Variants in ATP10D observed in about 807,000 individuals in gnomAD.
ATP10D encodes the protein ATPase phospholipid transporting 10D (putative), also known as phospholipid-transporting ATPase VD.
ATP10D carries 89 observed loss-of-function variants against 144.8 expected under a neutral mutation model. That is an observed-to-expected ratio of 0.61 (90% CI 0.52 to 0.73). ATP10D has a LOEUF of 0.73. Among genes scored for constraint, ATP10D ranks in the 30% least tolerant of loss-of-function variants. The pLI, the probability that ATP10D is intolerant of heterozygous loss-of-function variation, is 0.00. For synonymous variants in ATP10D, 571 were observed against 615.1 expected (o/e 0.93, Z 1.06); for missense variants, 1,603 against 1,714.8 (o/e 0.93, Z 1.15).
At chr4:47,566,271 A>G (rs930034242) in intron 15 of ATP10D, among the ~76,000 whole-genome samples, 1 of 152,224 alleles carries the variant, frequency 6.6e-6, no homozygotes, top group Admixed American at 6.5e-5. Flanking sequence ...TTACTCTCAT[A>G]AAAGTTTTTT....
chr4:47,524,723 C>G (rs756906437), intron 4 of ATP10D, among the ~76,000 whole-genome samples: 22 of 152,160 alleles, frequency 1.4e-4, no homozygotes, highest in Non-Finnish European at 2.9e-4. Context: ...TAATTAGACC[C>G]AATTATTTTA....
intron 14 of ATP10D, among the ~76,000 whole-genome samples, chr4:47,563,218 TATA>T (rs1014530378): frequency 1.3e-5 from 2 of 152,188 alleles, no homozygotes; most frequent in Admixed American, 6.5e-5. Context: ...CCCCTAAGTC[TATA>T]ATAATAAAAA....
Position 47,526,313 on chromosome 4 carries a change from C to G in ATP10D, c.776+671C>G, listed in dbSNP as rs111430853. ...TACTATATTAACAAACCATATTAAA[C>G]AAATCAAAAGGGAAAAACTAGGTGG... On this transcript the variant is annotated intron_variant, in intron 5 of 22. Coordinates refer to ENST00000273859, the MANE Select transcript of ATP10D (RefSeq NM_020453.4). 4.3e-3 allele frequency among the ~76,000 whole-genome samples: 660 copies of G among 152,168 alleles called. 6 individuals are homozygous for G. Among genetic ancestry groups the G allele is most frequent in the Non-Finnish European group, 6.1e-3 (412 of 67,980 alleles).
rs763205709 is a variant in ATP10D at position 47,523,171 on chromosome 4, G to A, written c.645G>A (p.Glu215=). The stretch of plus-strand genomic sequence containing the variant: ...TTGAGACTTCTGGTCTTGATGGAGA[G>A]AGCAATTTAAAACAGAGGCAGGTGG... ...CHIETSGLDG[E]SNLKQRQVVR... The change falls in exon 4 of 23, where the codon GAG becomes GAA. Residue 215 remains glutamate, a synonymous_variant. Transcript: ENST00000273859. The A allele has an allele frequency of 4.3e-6, 7 of 1,614,098 alleles. No homozygotes were observed. The East Asian group carries it at 1.6e-4, about 36-fold the overall frequency.
In ATP10D at chr4:47,563,845, T is replaced by TA. The variant is rs71951443; in HGVS notation, c.2853+90dup. The TA allele has an allele frequency of 9.2e-3, 10,681 of 1,155,120 alleles. 1 individual carries two copies. Among genetic ancestry groups the TA allele is most frequent in the South Asian group, 0.012 (567 of 46,152 alleles). 71.6% of individuals were successfully genotyped at this position (1,155,120 alleles called of 1,614,324 possible). The stretch of plus-strand genomic sequence containing the variant: ...TTTGAGATTTGATGTATGCAAGGAT[T>TA]AAAAAAAAAACAAAACAGCAACCGT... On this transcript the variant is annotated intron_variant, in intron 15 of 22. Transcript: ENST00000273859.
chr4:47,591,454 AGAAT>A lies in ATP10D; in HGVS notation c.*76_*79del. 7.6e-7 allele frequency: 1 copy of A among 1,310,224 alleles called. No homozygotes were observed. Among genetic ancestry groups the A allele is most frequent in the Admixed American group, 2.3e-5 (1 of 43,228 alleles). 81.2% of individuals were successfully genotyped at this position (1,310,224 alleles called of 1,614,324 possible). On this transcript the variant is annotated 3_prime_UTR_variant, in exon 23 of 23. Coordinates refer to ENST00000273859, the MANE Select transcript of ATP10D (RefSeq NM_020453.4). ...TTTTGAAGAGGTATCTCTCCAAGCA[AGAAT>A]GACTTGTTTTTCCATAAGGGACATG... is the stretch of plus-strand genomic sequence containing the variant.
intron 15 of ATP10D, among the ~76,000 whole-genome samples, chr4:47,565,579 A>G (rs915171031): frequency 2.0e-5 from 3 of 152,120 alleles, no homozygotes; most frequent in African/African-American, 7.2e-5. Flanking sequence ...GAGAGTAATG[A>G]CTGTTTAATG....
In ATP10D at chr4:47,593,333, G is replaced by A. The variant is rs1577719770; in HGVS notation, c.*1952G>A. ...AAATTAGGCGTAAATTCTATGCCCT[G>A]AACAAATGTAAAGCTATTTATGTAC... On this transcript the variant is annotated 3_prime_UTR_variant, in exon 23 of 23. Coordinates refer to ENST00000273859, the MANE Select transcript of ATP10D (RefSeq NM_020453.4). 1 of 151,986 alleles carries A rather than the reference G, an allele frequency of 6.6e-6. No individual in the cohort carries two copies. Among genetic ancestry groups the A allele is most frequent in the East Asian group, 1.9e-4 (1 of 5,202 alleles). 9.4% of individuals were successfully genotyped at this position (151,986 alleles called of 1,614,324 possible).
rs768945023 is a variant in ATP10D, at chr4:47,536,887, G to A, written c.1345G>A (p.Val449Ile). The part of the protein sequence containing the change: ...KTGTLTENKM[V>I]FRRCSVAGFD... ...AGGAACCCTCACTGAGAATAAGATGGTTTTTCGAAGATGTAGTGTGGCAGG... is the reference window on the plus strand; with the variant it reads ...AGGAACCCTCACTGAGAATAAGATGATTTTTCGAAGATGTAGTGTGGCAGG... The change falls in exon 9 of 23, where the codon GTT (valine) becomes ATT (isoleucine). Residue 449 changes from valine to isoleucine, a missense_variant. By Grantham distance (29) the Val-to-Ile change is conservative (BLOSUM62 3). Coordinates refer to ENST00000273859, the MANE Select transcript of ATP10D (RefSeq NM_020453.4). 1.2e-6 allele frequency: 2 copies of A among 1,612,990 alleles called. No homozygotes were observed. The highest frequency in any genetic ancestry group is 1.7e-6 in the Non-Finnish European group (2 of 1,179,552).
At chr4:47,562,096 T>C (rs1027452439) in intron 14 of ATP10D, among the ~76,000 whole-genome samples, 3 of 152,194 alleles carry the variant, frequency 2.0e-5, no homozygotes, top group African/African-American at 7.2e-5. Flanking sequence ...GGCAGAAAAA[T>C]CATACCTGAT....
intron 20 of ATP10D, among the ~76,000 whole-genome samples, 159 bp downstream of exon 20, chr4:47,580,637 T>C (rs1281743959): frequency 6.6e-6 from 1 of 152,218 alleles, no homozygotes; most frequent in African/African-American, 2.4e-5. Context: ...ATATGTTAGG[T>C]AATGGATTAA....
intron 1 of ATP10D, among the ~76,000 whole-genome samples, chr4:47,507,760 A>G (rs901057700): frequency 5.9e-5 from 9 of 152,228 alleles, no homozygotes; most frequent in Non-Finnish European, 1.2e-4. Context: ...TGGCAAGTGC[A>G]TATGAGCCAT....
intron 9 of ATP10D, among the ~76,000 whole-genome samples, chr4:47,543,267 G>A (rs781670528): frequency 1.3e-5 from 2 of 152,050 alleles, no homozygotes; most frequent in Non-Finnish European, 2.9e-5. Flanking sequence ...ACTATCCGTG[G>A]TTTCAGACAT....
chr4:47,551,135 G>A (rs948375515), intron 10 of ATP10D, among the ~76,000 whole-genome samples: 21 of 152,218 alleles, frequency 1.4e-4, no homozygotes, highest in East Asian at 1.2e-3. Flanking sequence ...CTGATTGGTC[G>A]GGTGTGAGCA....
At chr4:47,501,694 T>A (rs1715689283) in intron 1 of ATP10D, among the ~76,000 whole-genome samples, 6 of 152,154 alleles carry the variant, frequency 3.9e-5, no homozygotes. Flanking sequence ...CTTGGGTGAG[T>A]TTCTCACTCT....
At chr4:47,561,942 C>T (rs1247511952) in intron 14 of ATP10D, among the ~76,000 whole-genome samples, 1 of 152,120 alleles carries the variant, frequency 6.6e-6, no homozygotes, top group African/African-American at 2.4e-5. Context: ...AAAACATTGA[C>T]CTAACTTAGT....
At chr4:47,528,764 TAC>T (rs1253800039) in intron 5 of ATP10D, among the ~76,000 whole-genome samples, 4 of 152,114 alleles carry the variant, frequency 2.6e-5, no homozygotes, top group African/African-American at 9.7e-5. Context: ...CTAATTTACA[TAC>T]ACACCAACAG....
chr4:47,496,102 A>G (rs1159039016), intron 1 of ATP10D, among the ~76,000 whole-genome samples: 1 of 151,510 alleles, frequency 6.6e-6, no homozygotes, highest in Non-Finnish European at 1.5e-5. Flanking sequence ...ATTAGATATA[A>G]TGCAGTCAAC....
chr4:47,527,900 A>G (rs578218165), intron 5 of ATP10D, among the ~76,000 whole-genome samples: 2 of 152,274 alleles, frequency 1.3e-5, no homozygotes, highest in Admixed American at 1.3e-4. Context: ...ATTACCCAAG[A>G]AAAATGAAAA....
Sources: allele counts gnomAD v4.1 joint callset (sites outside exome capture counted in the v4.1 genomes callset), GRCh38; gene constraint gnomAD v4.1.1; transcripts MANE v1.5; gene names NCBI Gene and HGNC (gene_info 2026-07-23, HGNC 2026-07-21).